The following ARHGAP42 variants were observed in gnomAD, a reference collection of about 807,000 sequenced individuals.
The protein encoded by ARHGAP42 is Rho GTPase activating protein 42.
Under a neutral mutation model 125.0 loss-of-function variants are expected in ARHGAP42, and 63 were observed. The ratio of observed to expected loss-of-function variants is 0.50; its 90% CI spans 0.41 to 0.62. The LOEUF (loss-of-function observed/expected upper bound fraction) is 0.62. Among genes scored for constraint, ARHGAP42 ranks in the 20% least tolerant of loss-of-function variants. The pLI is 0.00. For missense variants in ARHGAP42, 766 were observed against 1,024.2 expected (o/e 0.75, Z 3.44); for synonymous variants, 339 against 351.0 (o/e 0.97, Z 0.38).
At chr11:100,751,721 T>TCACAGACA (rs1198658940) in intron 1 of ARHGAP42, among the ~76,000 whole-genome samples, 2 of 142,768 alleles carry the variant, frequency 1.4e-5, no homozygotes, top group African/African-American at 2.6e-5. Context: ...GTGATCCACC[T>TCACAGACA]CACAGACACA....
intron 1 of ARHGAP42, among the ~76,000 whole-genome samples, chr11:100,765,501 T>C (rs1862808910): frequency 6.6e-6 from 1 of 152,192 alleles, no homozygotes; most frequent in Non-Finnish European, 1.5e-5. Flanking sequence ...ATGGGTGTGA[T>C]GGCATCTAGT....
At chr11:100,884,717 T>G (rs1375131407) in intron 4 of ARHGAP42, among the ~76,000 whole-genome samples, 7 of 152,176 alleles carry the variant, frequency 4.6e-5, no homozygotes, top group Non-Finnish European at 1.0e-4. Flanking sequence ...GTCTACTCCC[T>G]TGTCAATTCT....
chr11:100,799,692 A>G (rs1565219135), intron 3 of ARHGAP42, among the ~76,000 whole-genome samples: 1 of 152,198 alleles, frequency 6.6e-6, no homozygotes, highest in Non-Finnish European at 1.5e-5. Flanking sequence ...AAAGCAATAA[A>G]CTAAGTACCA....
At chr11:100,872,231 ATCT>A (rs1335202504) in intron 4 of ARHGAP42, among the ~76,000 whole-genome samples, 2 of 152,174 alleles carry the variant, frequency 1.3e-5, no homozygotes, top group African/African-American at 2.4e-5. Flanking sequence ...AAAATTATTT[ATCT>A]TCTTATTGTT....
intron 4 of ARHGAP42, among the ~76,000 whole-genome samples, chr11:100,909,296 C>G (rs755365162): frequency 6.0e-5 from 9 of 150,572 alleles, no homozygotes; most frequent in Admixed American, 1.3e-4. Flanking sequence ...TACATTCTTT[C>G]CATAGGCCAG....
intron 1 of ARHGAP42, among the ~76,000 whole-genome samples, chr11:100,763,381 G>A (rs1398747400): frequency 6.6e-6 from 1 of 152,040 alleles, no homozygotes; most frequent in African/African-American, 2.4e-5. Flanking sequence ...GGCACTAAGG[G>A]CAAAAACAGA....
intron 1 of ARHGAP42, among the ~76,000 whole-genome samples, chr11:100,742,413 GT>G (rs1419931195): frequency 6.6e-6 from 1 of 152,074 alleles, no homozygotes; most frequent in Non-Finnish European, 1.5e-5. Context: ...AAGTTCTGAG[GT>G]TTCTACTTTT....
intron 3 of ARHGAP42, among the ~76,000 whole-genome samples, chr11:100,816,340 C>A (rs1393099688): frequency 1.3e-5 from 2 of 151,950 alleles, no homozygotes; most frequent in African/African-American, 2.4e-5. Context: ...TGATAGTAGC[C>A]ATCCTAATGG....
At chr11:100,909,448 G>A (rs538486292) in intron 4 of ARHGAP42, among the ~76,000 whole-genome samples, 1 of 151,266 alleles carries the variant, frequency 6.6e-6, no homozygotes, top group East Asian at 2.0e-4. Flanking sequence ...GGGTTCAAGC[G>A]ATTCTCCTGC....
chr11:100,871,344 G>A (rs897788462), intron 4 of ARHGAP42, among the ~76,000 whole-genome samples: 4 of 151,580 alleles, frequency 2.6e-5, no homozygotes, highest in Non-Finnish European at 2.9e-5. Context: ...TCAGGAGTTC[G>A]AGACCAGCCT....
At chr11:100,807,904 G>A (rs1384859601) in intron 3 of ARHGAP42, among the ~76,000 whole-genome samples, 1 of 152,188 alleles carries the variant, frequency 6.6e-6, no homozygotes, top group African/African-American at 2.4e-5. Context: ...TTGGGGAAGT[G>A]CTAGTCTTTA....
Position 100,934,339 on chromosome 11 carries a change from C to T in ARHGAP42, c.702+1079C>T, listed in dbSNP as rs1020921459. On this transcript the variant is annotated intron_variant, in intron 7 of 23. Transcript: ENST00000298815. ...GCATGTGTGTGAGACATGCCACCCT[C>T]TGAACCTTGTTACAATCTCAGCATA... is the stretch of plus-strand genomic sequence containing the variant. Among the ~76,000 whole-genome samples the T allele has an allele frequency of 3.0e-4, 46 of 151,806 alleles. 1 individual carries two copies. The highest frequency in any genetic ancestry group is 2.8e-4 in the Non-Finnish European group (19 of 67,980).
At chr11:100,733,717 T>A (rs533452785) in intron 1 of ARHGAP42, among the ~76,000 whole-genome samples, 77 of 147,086 alleles carry the variant, frequency 5.2e-4, no homozygotes, top group African/African-American at 1.8e-3. Flanking sequence ...CCCAGCCTCT[T>A]GGGAGGCTGA....
At chr11:100,863,165 G>A (rs1865487172) in intron 4 of ARHGAP42, among the ~76,000 whole-genome samples, 1 of 151,902 alleles carries the variant, frequency 6.6e-6, no homozygotes, top group Non-Finnish European at 1.5e-5. Context: ...ATACTTGAAA[G>A]TACTTATTTT....
chr11:100,961,775 A>C lies in ARHGAP42; in HGVS notation c.1385+7A>C. 6.5e-7 allele frequency: 1 copy of C among 1,549,670 alleles called. No individual in the cohort carries two copies. Among genetic ancestry groups the C allele is most frequent in the Non-Finnish European group, 8.7e-7 (1 of 1,145,088 alleles). On this transcript the variant is annotated splice_region_variant and intron_variant, in intron 15 of 23. Transcript: ENST00000298815. ...GGCTGAAAAACTACCTCAGGTGAGG[A>C]GGGTTTAACTCCTGGTACTCTGGAT...
intron 1 of ARHGAP42, among the ~76,000 whole-genome samples, chr11:100,768,029 C>T (rs948550724): frequency 1.3e-5 from 2 of 151,992 alleles, no homozygotes; most frequent in African/African-American, 4.8e-5. Context: ...CTTGAGTGCC[C>T]ACGTTGATAG....
Position 100,988,824 on chromosome 11 carries a change from T to G in ARHGAP42, c.*23T>G, listed in dbSNP as rs1450120054. The G allele has an allele frequency of 3.1e-5, 46 of 1,468,772 alleles. No individual in the cohort carries two copies. Among genetic ancestry groups the G allele is most frequent in the Admixed American group, 1.6e-4 (8 of 50,854 alleles). The allele number at this position is 1,468,772 out of a possible 1,614,324, so 91.0% of individuals were successfully genotyped here. A position where few individuals can be genotyped will look rare whatever the true frequency, so the allele number is the denominator to read the frequency against. ...TAATACTATTTAGTGGATGGCAGTA[T>G]CTTCATGGTATCCATGGTAACGAAT... On this transcript the variant is annotated 3_prime_UTR_variant, in exon 24 of 24. Coordinates refer to ENST00000298815, the MANE Select transcript of ARHGAP42 (RefSeq NM_152432.4).
chr11:100,808,037 A>G lies in ARHGAP42; in HGVS notation c.312+12871A>G, dbSNP rs1864040915. 2.1e-5 allele frequency among the ~76,000 whole-genome samples: 3 copies of G among 146,302 alleles called. No homozygotes were observed. The South Asian group carries it at 6.9e-4, about 33-fold the overall frequency. Reference sequence around the variant, plus strand: ...TGTAACTGTCCCTTAAAAGTTTAACATCTGGGTGAGGCACTCAATTTTAAA... The same window carrying G: ...TGTAACTGTCCCTTAAAAGTTTAACGTCTGGGTGAGGCACTCAATTTTAAA... On this transcript the variant is annotated intron_variant, in intron 3 of 23. Transcript: ENST00000298815.
intron 3 of ARHGAP42, among the ~76,000 whole-genome samples, chr11:100,796,808 C>T (rs1251782293): frequency 7.2e-6 from 1 of 138,350 alleles, no homozygotes. Flanking sequence ...CTCACTCTGT[C>T]GTCCAGGCTG....
Sources: gnomAD v4.1 joint callset for allele counts (sites outside exome capture counted in the v4.1 genomes callset) on GRCh38, gnomAD v4.1.1 for gene constraint, MANE v1.5 for transcripts, NCBI Gene and HGNC (gene_info 2026-07-23, HGNC 2026-07-21) for gene names.